The following KIF23 variants were observed in gnomAD, a reference collection of about 807,000 sequenced individuals.
KIF23 encodes kinesin-like protein KIF23.
In KIF23, 30 loss-of-function variants were observed where a neutral mutation model predicts 137.5. The ratio of observed to expected loss-of-function variants is 0.22; its 90% CI spans 0.16 to 0.30. The LOEUF is 0.30. Ranked by LOEUF, KIF23 falls within the 10% of genes least tolerant of loss-of-function variation. The probability of loss-of-function intolerance (pLI) is 1.00; values close to 1 mark genes in which losing one functional copy is unlikely to be tolerated. For missense variants in KIF23, 920 were observed against 1,194.3 expected (o/e 0.77, Z 3.38); for synonymous variants, 367 against 391.1 (o/e 0.94, Z 0.73).
chr15:69,429,033 G>C, intron 10 of KIF23, 78 bp from the exon 11 acceptor site: 1 of 930,584 alleles, frequency 1.1e-6, no homozygotes, highest in Non-Finnish European at 1.7e-6. Flanking sequence ...GACTTAGCTT[G>C]TTGATATGAA....
At chr15:69,438,808 A>T (rs2057543658) in intron 16 of KIF23, among the ~76,000 whole-genome samples, 1 of 152,036 alleles carries the variant, frequency 6.6e-6, no homozygotes, top group Admixed American at 6.6e-5. Flanking sequence ...TCTCAAAAAA[A>T]AAAAGAGTTC....
intron 11 of KIF23, among the ~76,000 whole-genome samples, chr15:69,431,600 C>T (rs1453465433): frequency 2.1e-5 from 3 of 139,780 alleles, no homozygotes; most frequent in African/African-American, 7.7e-5. Flanking sequence ...GGCGACAGAG[C>T]GAGACTCCGT....
chr15:69,432,500 T>G (rs1471090827), intron 11 of KIF23, among the ~76,000 whole-genome samples: 1 of 152,112 alleles, frequency 6.6e-6, no homozygotes, highest in African/African-American at 2.4e-5. Context: ...TTTACCATAC[T>G]TGTAGAATGT....
chr15:69,441,979 A>T (rs757311536), intron 19 of KIF23, among the ~76,000 whole-genome samples: 7 of 151,970 alleles, frequency 4.6e-5, no homozygotes, highest in Non-Finnish European at 1.0e-4. Context: ...CCAGGCTGGT[A>T]TTGAACTCTT....
chr15:69,414,702 C>A (rs953444959), intron 1 of KIF23: 16 of 433,276 alleles, frequency 3.7e-5, no homozygotes, highest in Non-Finnish European at 5.1e-5. Flanking sequence ...GCCGCCCCGC[C>A]TGGGCCTCCA....
chr15:69,420,077 C>T (rs1200653808), intron 3 of KIF23, among the ~76,000 whole-genome samples: 5 of 152,042 alleles, frequency 3.3e-5, no homozygotes, highest in Non-Finnish European at 7.4e-5. Flanking sequence ...CTAGCTTGGC[C>T]AACATGGCGA....
At chr15:69,418,594 T>C (rs1344611487) in intron 3 of KIF23, among the ~76,000 whole-genome samples, 1 of 152,186 alleles carries the variant, frequency 6.6e-6, no homozygotes, top group Non-Finnish European at 1.5e-5. Flanking sequence ...GTCTTGAAAC[T>C]GTCCTTTCAT....
In KIF23 at chr15:69,426,472, T is replaced by C. The variant is rs750085995; in HGVS notation, c.1011+15T>C. 114 of 1,612,186 alleles carry C rather than the reference T, an allele frequency of 7.1e-5. No homozygotes were observed. The highest frequency in any genetic ancestry group is 2.0e-5 in the Non-Finnish European group (23 of 1,179,366). On this transcript the variant is annotated intron_variant, in intron 10 of 23. Coordinates refer to ENST00000679126, the MANE Select transcript of KIF23 (RefSeq NM_001367805.3). ...ATGTCTTACAGGTAAAGTTGTAGTA[T>C]GTGGAGTTTTTCTGGTTCTAACTCT...
intron 23 of KIF23, among the ~76,000 whole-genome samples, chr15:69,447,182 T>A (rs1041223332): frequency 6.6e-6 from 1 of 152,230 alleles, no homozygotes; most frequent in Non-Finnish European, 1.5e-5. Flanking sequence ...GGAAGATTGG[T>A]GGCTCATGTT....
chr15:69,443,708 T>G (rs1382070568), intron 19 of KIF23: 1 of 152,164 alleles, frequency 6.6e-6, no homozygotes, highest in Non-Finnish European at 1.5e-5. Context: ...ATGGCATATA[T>G]GTGACATATT....
intron 10 of KIF23, chr15:69,427,429 A>G (rs896863320): frequency 2.2e-6 from 1 of 455,894 alleles, no homozygotes; most frequent in Non-Finnish European, 4.4e-6. Context: ...AAAGTTTGCA[A>G]ATCTTTAAAA....
intron 22 of KIF23, 78 bp from the exon 23 acceptor site, chr15:69,446,793 G>A (rs2057748992): frequency 7.9e-7 from 1 of 1,270,420 alleles, no homozygotes; most frequent in African/African-American, 1.5e-5. Context: ...TCACCTAGGT[G>A]TGGAGCCTGC....
rs971881949 is a variant in KIF23 at position 69,444,688 on chromosome 15, T to C, written c.2422-102T>C. Reference sequence around the variant, plus strand: ...AATTACTTGAATAAAATATTTAGCTTTGGAAAGGTTTGCTATGATACTGTC... The same window carrying C: ...AATTACTTGAATAAAATATTTAGCTCTGGAAAGGTTTGCTATGATACTGTC... On this transcript the variant is annotated intron_variant, in intron 19 of 23. Transcript: ENST00000679126. This position sits in a 1 kb window ranked among gnomAD's most constrained non-coding sequence, Gnocchi z 4.2. 5 of 1,166,724 alleles carry C rather than the reference T, an allele frequency of 4.3e-6. No individual in the cohort carries two copies. The highest frequency in any genetic ancestry group is 2.5e-5 in the Admixed American group (1 of 40,248). 72.3% of individuals were successfully genotyped at this position (1,166,724 alleles called of 1,614,324 possible).
chr15:69,421,906 A>G, intron 4 of KIF23, 86 bp from the exon 5 acceptor site: 2 of 1,520,592 alleles, frequency 1.3e-6, no homozygotes, highest in Non-Finnish European at 1.8e-6. Context: ...GAGCTGGCTA[A>G]TTGTTAGTGT....
chr15:69,440,285 A>AC (rs2057584237), intron 17 of KIF23, 23 bp from the exon 18 acceptor site: 1 of 1,601,482 alleles, frequency 6.2e-7, no homozygotes. Context: ...ATGATAATAT[A>AC]CATTGCCACT....
chr15:69,440,215 C>T, intron 17 of KIF23, 93 bp from the exon 18 acceptor site: 2 of 1,504,684 alleles, frequency 1.3e-6, no homozygotes, highest in Non-Finnish European at 1.8e-6. Flanking sequence ...AATTGGAGAA[C>T]TGTCATTTTT....
Position 69,436,231 on chromosome 15 carries a change from A to C in KIF23, c.1408A>C (p.Arg470=), listed in dbSNP as rs932442710. The part of the protein sequence containing the change: ...ICGLTPGRRY[R]NQPRGPVGNE... ...TGGTTTAACGCCTGGGAGGAGATAC[A>C]GAAACCAGCCTCGAGGTCCAGTTGG... Residue 470 remains arginine, a synonymous_variant, in exon 14 of 24, where the codon AGA becomes CGA. Transcript: ENST00000679126. The C allele has an allele frequency of 6.2e-7, 1 of 1,614,052 alleles. No individual in the cohort carries two copies. The highest frequency in any genetic ancestry group is 1.7e-5 in the Admixed American group (1 of 59,994).
At chr15:69,434,496 T>TA (rs1165797910) in intron 11 of KIF23, 35 of 667,806 alleles carry the variant, frequency 5.2e-5, no homozygotes, top group Non-Finnish European at 9.3e-5. Flanking sequence ...TTCAATCTCA[T>TA]ACTGACCACG....
chr15:69,425,452 C>A, intron 8 of KIF23, 129 bp downstream of exon 8: 1 of 763,944 alleles, frequency 1.3e-6, no homozygotes, highest in Non-Finnish European at 2.1e-6. Context: ...CTAAGCCCTC[C>A]TTGCTTCCTG....
Sources: allele counts gnomAD v4.1 joint callset (sites outside exome capture counted in the v4.1 genomes callset), GRCh38; gene constraint gnomAD v4.1.1; non-coding constraint Gnocchi (gnomAD v3.1); transcripts MANE v1.5; gene names NCBI Gene and HGNC (gene_info 2026-07-23, HGNC 2026-07-21).